SLC49A4: variants seen among roughly 807,000 people sequenced by gnomAD.
SLC49A4 encodes solute carrier family 49 member 4.
Under a neutral mutation model 50.6 loss-of-function variants are expected in SLC49A4, and 36 were observed. That is an observed-to-expected ratio of 0.71 (90% CI 0.55 to 0.94). The LOEUF is 0.94. SLC49A4 is among the 40% of genes least tolerant of loss of function. SLC49A4 has a pLI of 0.00. For missense variants in SLC49A4, 503 were observed against 605.7 expected (o/e 0.83, Z 1.78); for synonymous variants, 248 against 241.2 (o/e 1.03, Z -0.26).
chr3:122,843,227 A>G (rs1169979542), intron 4 of SLC49A4, among the ~76,000 whole-genome samples: 1 of 151,718 alleles, frequency 6.6e-6, no homozygotes, highest in Non-Finnish European at 1.5e-5. Flanking sequence ...ATTTTTTTTT[A>G]ACTTTTCATT....
chr3:122,816,953 C>T (rs1936375617), intron 2 of SLC49A4, among the ~76,000 whole-genome samples: 1 of 152,172 alleles, frequency 6.6e-6, no homozygotes, highest in South Asian at 2.1e-4. Flanking sequence ...TTAAGGTCTT[C>T]TGTAACTAAA....
chr3:122,860,263 C>T (rs1393529629), intron 7 of SLC49A4, 61 bp downstream of exon 7: 2 of 1,418,200 alleles, frequency 1.4e-6, no homozygotes, highest in Non-Finnish European at 1.9e-6. Flanking sequence ...GTGTACATAA[C>T]TCTGACAGTA....
At chr3:122,833,842 G>A (rs1048603409) in intron 4 of SLC49A4, among the ~76,000 whole-genome samples, 30 of 151,838 alleles carry the variant, frequency 2.0e-4, no homozygotes, top group African/African-American at 6.3e-4. Flanking sequence ...ATTTGTTAAG[G>A]CATATTAAAA....
chr3:122,868,258 T>C (rs1937146569), intron 7 of SLC49A4, among the ~76,000 whole-genome samples: 1 of 152,206 alleles, frequency 6.6e-6, no homozygotes, highest in Non-Finnish European at 1.5e-5. Context: ...TTTTTAACTG[T>C]AGTTTGTGCT....
Position 122,833,170 on chromosome 3 carries a change from G to A in SLC49A4, c.704-147G>A, listed in dbSNP as rs1576299826. 7 of 666,214 alleles carry A rather than the reference G, an allele frequency of 1.1e-5. No individual in the cohort carries two copies. In the East Asian group the frequency reaches 1.2e-4, roughly 11 times the overall value. 41.3% of individuals were successfully genotyped at this position (666,214 alleles called of 1,614,324 possible). The stretch of plus-strand genomic sequence containing the variant: ...GCAGGAGGATCACTTGAGCCCAGGA[G>A]GTCAAGTCTGTAGTGAGCCATGTTC... On this transcript the variant is annotated intron_variant, in intron 3 of 8. Transcript: ENST00000261038.
chr3:122,833,672 T>C (rs17213716), intron 4 of SLC49A4, among the ~76,000 whole-genome samples: 7,690 of 152,274 alleles, frequency 0.051, 267 homozygotes, highest in Middle Eastern at 0.11. Context: ...ACATATCACC[T>C]ATACTATTAT....
intron 4 of SLC49A4, among the ~76,000 whole-genome samples, chr3:122,838,587 A>T (rs1392408434): frequency 1.3e-5 from 2 of 151,792 alleles, no homozygotes; most frequent in African/African-American, 4.8e-5. Context: ...GGATAGCATT[A>T]GGAGATATAC....
chr3:122,847,393 G>A (rs544512986), intron 5 of SLC49A4, among the ~76,000 whole-genome samples: 136 of 147,890 alleles, frequency 9.2e-4, no homozygotes, highest in African/African-American at 3.3e-3. Context: ...TGTCGCCCAG[G>A]CTGGAGTGCA....
intron 4 of SLC49A4, among the ~76,000 whole-genome samples, chr3:122,835,089 C>T (rs1192492131): frequency 6.6e-6 from 1 of 152,062 alleles, no homozygotes; most frequent in Non-Finnish European, 1.5e-5. Flanking sequence ...AGGTTATGGT[C>T]AGATTGGCCA....
At chr3:122,796,560 G>A (rs1266013587) in intron 1 of SLC49A4, among the ~76,000 whole-genome samples, 1 of 152,222 alleles carries the variant, frequency 6.6e-6, no homozygotes, top group Non-Finnish European at 1.5e-5. Context: ...TTCCTACACA[G>A]TGGTCTCTTC....
intron 2 of SLC49A4, 133 bp downstream of exon 2, chr3:122,807,083 A>G: frequency 1.9e-6 from 1 of 528,300 alleles, no homozygotes; most frequent in Non-Finnish European, 3.3e-6. Context: ...AATTTAATTG[A>G]TATTTATCAG....
At chr3:122,807,992 C>T (rs751428896) in intron 2 of SLC49A4, among the ~76,000 whole-genome samples, 25 of 152,044 alleles carry the variant, frequency 1.6e-4, no homozygotes, top group Non-Finnish European at 2.8e-4. Flanking sequence ...TGGCAGAAGA[C>T]CTGGAAAGAT....
At chr3:122,866,022 A>T (rs955730608) in intron 7 of SLC49A4, among the ~76,000 whole-genome samples, 1 of 152,060 alleles carries the variant, frequency 6.6e-6, no homozygotes, top group African/African-American at 2.4e-5. Context: ...AGAAGCACCT[A>T]CAAGTTTTTT....
Position 122,795,358 on chromosome 3 carries a change from C to T in SLC49A4, c.166C>T (p.Leu56=), listed in dbSNP as rs754007252. Residue 56 remains leucine (L), a synonymous_variant, in exon 1 of 9, where the codon CTG becomes TTG. Transcript: ENST00000261038. ...ATACGGGCGCCGCTGGCTGGTGCTG[C>T]TGCTCTTCTCGCTGCTGGCGTTCGT... The part of the protein sequence containing the change: ...RVYGRRWLVL[L]LFSLLAFVQG... 4 of 1,589,722 alleles carry T rather than the reference C, an allele frequency of 2.5e-6. No homozygotes were observed. The Admixed American group carries it at 5.2e-5, about 20-fold the overall frequency.
rs551047832 is a variant in SLC49A4, at chr3:122,837,244, G to A, written c.833+3798G>A. Among the ~76,000 whole-genome samples the A allele has an allele frequency of 1.5e-4, 23 of 152,180 alleles. No individual in the cohort carries two copies. The South Asian group carries it at 2.7e-3, about 18-fold the overall frequency. ...TTCATATGGAACCAAAAAAGAGCCC[G>A]CAATGCCCAGTCAATTCTAAGCCAA... is the stretch of plus-strand genomic sequence containing the variant. On this transcript the variant is annotated intron_variant, in intron 4 of 8. Coordinates refer to ENST00000261038, the MANE Select transcript of SLC49A4 (RefSeq NM_032839.3).
chr3:122,812,920 C>G (rs1223928413), intron 2 of SLC49A4, among the ~76,000 whole-genome samples: 2 of 151,946 alleles, frequency 1.3e-5, no homozygotes, highest in Non-Finnish European at 2.9e-5. Context: ...GAAAAGATAA[C>G]CAGTCATGAT....
intron 8 of SLC49A4, among the ~76,000 whole-genome samples, chr3:122,873,428 C>T (rs1224374650): frequency 1.3e-5 from 2 of 152,146 alleles, no homozygotes; most frequent in Non-Finnish European, 2.9e-5. Flanking sequence ...AATCCACCCA[C>T]CTCAGCCTCC....
At position 122,860,196 on chromosome 3, in the gene SLC49A4, A is replaced by T. The variant is rs141133806; in HGVS notation, c.1132A>T (p.Thr378Ser). 83 of 1,597,576 alleles carry T rather than the reference A, an allele frequency of 5.2e-5. No homozygotes were observed. Among genetic ancestry groups the T allele is most frequent in the Non-Finnish European group, 6.7e-5 (79 of 1,172,574 alleles). ...CLNSITHLPL[T>S]TVTLYASCIL... is the part of the protein sequence containing the mutation. ...GAACAGCATCACACACCTACCTTTA[A>T]CCACAGGTGAGCATAGGCTATTTTT... is the stretch of plus-strand genomic sequence containing the variant. The change falls in exon 7 of 9, where the codon ACC (threonine) becomes TCC (serine). Residue 378 changes from threonine (T) to serine (S), a missense_variant. By Grantham distance (58) the Thr-to-Ser change is moderately conservative. Transcript: ENST00000261038.
intron 2 of SLC49A4, among the ~76,000 whole-genome samples, chr3:122,822,926 T>A (rs1461390335): frequency 6.6e-6 from 1 of 152,158 alleles, no homozygotes; most frequent in Non-Finnish European, 1.5e-5. Context: ...TTGCCATATA[T>A]ATTGTATCAC....
Sources: gnomAD v4.1 joint callset for allele counts (sites outside exome capture counted in the v4.1 genomes callset) on GRCh38, gnomAD v4.1.1 for gene constraint, MANE v1.5 for transcripts, NCBI Gene and HGNC (gene_info 2026-07-23, HGNC 2026-07-21) for gene names.